The following STAT3 variants were observed in gnomAD, a reference collection of about 807,000 sequenced individuals.
STAT3 encodes the protein DNA-binding protein APRF.
Under a neutral mutation model 114.3 loss-of-function variants are expected in STAT3, and 7 were observed. That is an observed-to-expected ratio of 0.06 (90% CI 0.03 to 0.11). STAT3 has a LOEUF of 0.11. Among genes scored for constraint, STAT3 ranks in the 10% least tolerant of loss-of-function variants. The pLI, the probability that STAT3 is intolerant of heterozygous loss-of-function variation, is 1.00. For missense variants in STAT3, 364 were observed against 960.9 expected (o/e 0.38, Z 8.21); for synonymous variants, 331 against 354.5 (o/e 0.93, Z 0.74).
chr17:42,387,541 G>A (rs190728989), intron 1 of STAT3: 27 of 152,344 alleles, frequency 1.8e-4, no homozygotes, highest in African/African-American at 6.5e-4. Flanking sequence ...ACAATGTCAA[G>A]AGGTTTATTT....
At chr17:42,370,341 G>C (rs1161785149) in intron 1 of STAT3, among the ~76,000 whole-genome samples, 1 of 151,624 alleles carries the variant, frequency 6.6e-6, no homozygotes, top group African/African-American at 2.4e-5. Context: ...CGCCTCCCAG[G>C]TTCAAGCGAT....
At chr17:42,321,878 C>T (rs1265237076) in intron 21 of STAT3, among the ~76,000 whole-genome samples, 2 of 152,100 alleles carry the variant, frequency 1.3e-5, no homozygotes, top group African/African-American at 4.8e-5. Context: ...GGCTGGAGTG[C>T]GGTGGCATGA....
chr17:42,335,625 TAG>T (rs2082198366), intron 8 of STAT3, among the ~76,000 whole-genome samples: 1 of 152,178 alleles, frequency 6.6e-6, no homozygotes, highest in African/African-American at 2.4e-5. Context: ...TCTCCAAGAA[TAG>T]AGATATTAGG....
intron 1 of STAT3, among the ~76,000 whole-genome samples, chr17:42,371,685 A>G (rs1021479610): frequency 6.9e-6 from 1 of 144,630 alleles, no homozygotes; most frequent in Non-Finnish European, 1.5e-5. Flanking sequence ...TCAAAAAAAA[A>G]AAAAAAAAAA....
intron 1 of STAT3, among the ~76,000 whole-genome samples, chr17:42,382,335 C>G (rs1007300554): frequency 2.6e-5 from 4 of 152,172 alleles, no homozygotes; most frequent in African/African-American, 9.7e-5. Context: ...TCAACAGTAC[C>G]TACAAGATAA....
intron 21 of STAT3, among the ~76,000 whole-genome samples, chr17:42,321,455 TG>T (rs2081481465): frequency 6.6e-6 from 1 of 152,040 alleles, no homozygotes. Flanking sequence ...TATAAGTACA[TG>T]TCCTCTTACA....
intron 17 of STAT3, 93 bp from the exon 18 acceptor site, chr17:42,323,718 A>G (rs1372016700): frequency 1.3e-5 from 15 of 1,180,316 alleles, no homozygotes; most frequent in Non-Finnish European, 1.6e-5. Flanking sequence ...TCATCCCACA[A>G]TGGGCCACAA....
rs1452417242 is a variant in STAT3 at position 42,329,392 on chromosome 17, A to G, written c.1281+18T>C. 2.5e-6 allele frequency: 4 copies of G among 1,613,312 alleles called. No individual in the cohort carries two copies. In the African/African-American group the frequency reaches 5.3e-5, roughly 22 times the overall value. On this transcript the variant is annotated intron_variant, in intron 14 of 23. Coordinates refer to ENST00000264657, the MANE Select transcript of STAT3 (RefSeq NM_139276.3). ...AAGGAAAACACCCCAGTTGTCTTTC[A>G]TCCCCAACAAAACTTACATCACAAT...
At chr17:42,339,170 C>T (rs558322598) in intron 5 of STAT3, 144 bp downstream of exon 5, 82 of 762,228 alleles carry the variant, frequency 1.1e-4, no homozygotes, top group Admixed American at 1.0e-3. Context: ...GTAGGAGGAT[C>T]GCTTGGGCCT....
intron 1 of STAT3, among the ~76,000 whole-genome samples, chr17:42,367,976 A>G (rs2083899479): frequency 1.3e-5 from 2 of 152,246 alleles, no homozygotes; most frequent in South Asian, 4.1e-4. Flanking sequence ...AATAGGTACA[A>G]TAATGCATGC....
intron 1 of STAT3, among the ~76,000 whole-genome samples, chr17:42,371,148 G>A (rs780985856): frequency 4.6e-5 from 7 of 152,122 alleles, no homozygotes; most frequent in Non-Finnish European, 1.0e-4. Flanking sequence ...AGGAGTAGAT[G>A]GTGGTCTACC....
rs375047296 is a variant in STAT3 at position 42,331,553 on chromosome 17, A to G, written c.1050-22T>C. On this transcript the variant is annotated intron_variant, in intron 10 of 23. Transcript: ENST00000264657. ...CAACCTATTTAAAAAGAAAAAATCC[A>G]AGGAAAAAAAGTCAGTAACTCTCCC... 1.1e-4 allele frequency: 169 copies of G among 1,602,152 alleles called. 3 individuals are homozygous for G. The South Asian group carries it at 1.4e-3, about 14-fold the overall frequency.
In STAT3 at chr17:42,315,723, T is replaced by C; in HGVS notation, c.*22A>G. ...GGTAGGCGCCTCAGTCGTATCTTTC[T>C]GCAGCTTCCGTTCTCAGCTCCTCAC... On this transcript the variant is annotated 3_prime_UTR_variant, in exon 24 of 24. Coordinates refer to ENST00000264657, the MANE Select transcript of STAT3 (RefSeq NM_139276.3). The C allele has an allele frequency of 1.2e-6, 2 of 1,613,136 alleles. No homozygotes were observed. The highest frequency in any genetic ancestry group is 2.2e-5 in the East Asian group (1 of 44,874).
rs552467234 is a variant in STAT3, at chr17:42,314,007, C to G, written c.*1738G>C. ...GGTGGTTTTGAGTTGCCAAATCCGG[C>G]CATGCCTCTGAGTCAGAGGCAGCCC... On this transcript the variant is annotated 3_prime_UTR_variant, in exon 24 of 24. Coordinates refer to ENST00000264657, the MANE Select transcript of STAT3 (RefSeq NM_139276.3). 2 of 230,946 alleles carry G rather than the reference C, an allele frequency of 8.7e-6. No individual in the cohort carries two copies. Among genetic ancestry groups the G allele is most frequent in the African/African-American group, 4.4e-5 (2 of 45,288 alleles). The allele number at this position is 230,946 out of a possible 1,614,324, so 14.3% of individuals were successfully genotyped here.
At chr17:42,338,623 G>C in intron 6 of STAT3, 108 bp downstream of exon 6, 1 of 1,070,558 alleles carries the variant, frequency 9.3e-7, no homozygotes. Context: ...TACCTCCCTT[G>C]CGCCCCGCCC....
In STAT3 at chr17:42,316,825, C is replaced by G; in HGVS notation, c.2221G>C (p.Gly741Arg). Residue 741 changes from glycine (G) to arginine (R), a missense_variant, in exon 23 of 24, where the codon GGT becomes CGT. Gly to Arg is a moderately radical substitution (Grantham distance 125). Around this residue, in one of 5 missense-constraint regions of STAT3, gnomAD observed 37 missense variants for 66.5 expected, o/e 0.56. Transcript: ENST00000264657. ...CCTGCTGAGGGTTCAGCACCTTCACCATTATTTCCAAACTGCATCAATGAA... is the reference window on the plus strand; with the variant it reads ...CCTGCTGAGGGTTCAGCACCTTCACGATTATTTCCAAACTGCATCAATGAA... ...LDSLMQFGNN[G>R]EGAEPSAGGQ... The G allele has an allele frequency of 6.2e-7, 1 of 1,613,832 alleles. No individual in the cohort carries two copies. Among genetic ancestry groups the G allele is most frequent in the Non-Finnish European group, 8.5e-7 (1 of 1,179,970 alleles).
intron 23 of STAT3, chr17:42,316,542 T>G: frequency 7.6e-6 from 8 of 1,055,784 alleles, no homozygotes; most frequent in Non-Finnish European, 1.1e-5. Context: ...AATGTTAAAT[T>G]GAGAGTATGT....
At chr17:42,317,118 C>G (rs1357687276) in intron 22 of STAT3, 64 bp downstream of exon 22, 13 of 1,610,240 alleles carry the variant, frequency 8.1e-6, no homozygotes, top group Non-Finnish European at 1.1e-5. Context: ...ACCCAGTGTC[C>G]CATTCCCAGG....
chr17:42,383,604 G>T (rs557859752), intron 1 of STAT3, among the ~76,000 whole-genome samples: 3 of 152,154 alleles, frequency 2.0e-5, no homozygotes, highest in Non-Finnish European at 2.9e-5. Context: ...TTACGCTTAC[G>T]TCTTGTAAGC....
Sources: gnomAD v4.1 joint callset for allele counts (sites outside exome capture counted in the v4.1 genomes callset) on GRCh38, gnomAD v4.1.1 for gene constraint, gnomAD v4.1.1 regional missense constraint, MANE v1.5 for transcripts, NCBI Gene and HGNC (gene_info 2026-07-23, HGNC 2026-07-21) for gene names.